Variants in TESK2 observed in about 807,000 individuals in gnomAD.
TESK2 encodes the protein testis associated actin remodelling kinase 2.
In TESK2, 39 loss-of-function variants were observed where a neutral mutation model predicts 57.1. The observed-to-expected ratio is 0.68, with a 90% CI of 0.53 to 0.89. The LOEUF is 0.89. Among genes scored for constraint, TESK2 ranks in the 40% least tolerant of loss-of-function variants. The pLI is 0.00. For synonymous variants in TESK2, 249 were observed against 267.9 expected (o/e 0.93, Z 0.69); for missense variants, 646 against 732.1 (o/e 0.88, Z 1.36).
intron 4 of TESK2, among the ~76,000 whole-genome samples, chr1:45,370,650 G>A (rs1360328664): frequency 3.3e-5 from 5 of 152,142 alleles, no homozygotes; most frequent in East Asian, 3.8e-4. Context: ...GGTTGGGCCA[G>A]GGGGGATGAA....
At chr1:45,483,471 A>AGGTG (rs1653319438) in intron 1 of TESK2, among the ~76,000 whole-genome samples, 2 of 151,474 alleles carry the variant, frequency 1.3e-5, no homozygotes, top group Non-Finnish European at 2.9e-5. Context: ...GGTGGCGCAC[A>AGGTG]CCTGTAAACC....
At chr1:45,478,133 C>G (rs1443355302) in intron 1 of TESK2, among the ~76,000 whole-genome samples, 2 of 152,196 alleles carry the variant, frequency 1.3e-5, no homozygotes, top group African/African-American at 4.8e-5. Flanking sequence ...TCACAATCTA[C>G]TCCAAACATA....
chr1:45,470,832 A>G, intron 1 of TESK2, among the ~76,000 whole-genome samples: 1 of 152,226 alleles, frequency 6.6e-6, no homozygotes, highest in East Asian at 1.9e-4. Flanking sequence ...AGTGCTTTAC[A>G]TTTAATATCC....
chr1:45,484,609 G>A (rs1246288838), intron 1 of TESK2, among the ~76,000 whole-genome samples: 4 of 151,976 alleles, frequency 2.6e-5, no homozygotes, highest in East Asian at 3.9e-4. Context: ...GGTGGTGCAC[G>A]GCTACTCAGC....
chr1:45,422,771 G>GTTGTTGTTGTTGTTGTTGTTGTTGTTT (rs1557567000), intron 2 of TESK2, among the ~76,000 whole-genome samples: 1 of 151,152 alleles, frequency 6.6e-6, no homozygotes, highest in African/African-American at 2.4e-5. Flanking sequence ...TGTTGTTGTT[G>GTTGTTGTTGTTGTTGTTGTTGTTGTTT]TTGTTGTTTT....
At chr1:45,402,725 G>A (rs910540500) in intron 3 of TESK2, among the ~76,000 whole-genome samples, 3 of 151,704 alleles carry the variant, frequency 2.0e-5, no homozygotes, top group Admixed American at 1.3e-4. Flanking sequence ...CAGGTGATCC[G>A]CCCACCTCGG....
chr1:45,440,542 C>A (rs1270783838), intron 2 of TESK2, among the ~76,000 whole-genome samples: 1 of 151,780 alleles, frequency 6.6e-6, no homozygotes, highest in Admixed American at 6.6e-5. Context: ...GGCAAAACCC[C>A]GCCTCTACTA....
chr1:45,401,321 T>C (rs1468499911), intron 3 of TESK2, among the ~76,000 whole-genome samples: 2 of 151,588 alleles, frequency 1.3e-5, no homozygotes, highest in Non-Finnish European at 2.9e-5. Flanking sequence ...TGCTTGAACT[T>C]GGGAGGCGGA....
At chr1:45,456,181 G>A (rs1652080180) in intron 2 of TESK2, among the ~76,000 whole-genome samples, 1 of 151,646 alleles carries the variant, frequency 6.6e-6, no homozygotes, top group Non-Finnish European at 1.5e-5. Flanking sequence ...GGGTGACAGA[G>A]CGAAACCCTG....
chr1:45,476,716 A>G (rs1021010219), intron 1 of TESK2, among the ~76,000 whole-genome samples: 1 of 148,674 alleles, frequency 6.7e-6, no homozygotes, highest in Non-Finnish European at 1.5e-5. Context: ...GCCTGGTGGC[A>G]CACGCCTGTA....
intron 4 of TESK2, among the ~76,000 whole-genome samples, chr1:45,384,389 G>GTCTATCTA (rs71052870): frequency 0.024 from 3,512 of 144,350 alleles, 90 homozygotes; most frequent in African/African-American, 0.063. Context: ...CTATCTATCT[G>GTCTATCTA]TCTATCTATC....
chr1:45,445,325 T>C (rs992437735), intron 2 of TESK2, among the ~76,000 whole-genome samples: 1 of 152,142 alleles, frequency 6.6e-6, no homozygotes, highest in Non-Finnish European at 1.5e-5. Flanking sequence ...CTCATTCTCA[T>C]TGCTTGGCTT....
At chr1:45,469,829 A>G (rs183205251) in intron 1 of TESK2, among the ~76,000 whole-genome samples, 79 of 152,322 alleles carry the variant, frequency 5.2e-4, no homozygotes, top group African/African-American at 1.9e-3. Flanking sequence ...ATTCTAATGC[A>G]CAGTATCTGC....
At position 45,420,960 on chromosome 1, in the gene TESK2, T is replaced by C. The variant is rs185906050; in HGVS notation, c.344+765A>G. On this transcript the variant is annotated intron_variant, in intron 3 of 10. Coordinates refer to ENST00000372086, the MANE Select transcript of TESK2 (RefSeq NM_007170.3). ...ATAATTAAAGCAAGAAAGATTCAGA[T>C]ACGGATTATTAAAAAGTGACAATTA... is the stretch of plus-strand genomic sequence containing the variant. Among the ~76,000 whole-genome samples, 596 of 152,276 alleles carry C rather than the reference T, an allele frequency of 3.9e-3. 6 individuals carry two copies. The highest frequency in any genetic ancestry group is 0.014 in the African/African-American group (572 of 41,566).
At chr1:45,399,702 G>A (rs764805986) in intron 3 of TESK2, among the ~76,000 whole-genome samples, 2 of 151,934 alleles carry the variant, frequency 1.3e-5, no homozygotes, top group African/African-American at 4.8e-5. Flanking sequence ...TGCCTGCCTC[G>A]GCCTCCCAAA....
chr1:45,436,132 A>AT (rs1458054215), intron 2 of TESK2, among the ~76,000 whole-genome samples: 4 of 142,036 alleles, frequency 2.8e-5, no homozygotes, highest in Non-Finnish European at 6.1e-5. Context: ...TCCATACAAA[A>AT]TTTTAGGACT....
intron 1 of TESK2, among the ~76,000 whole-genome samples, chr1:45,480,503 C>A (rs985746824): frequency 2.0e-5 from 3 of 150,368 alleles, no homozygotes; most frequent in African/African-American, 7.3e-5. Context: ...ATTTATCCCA[C>A]AAATATCCTT....
At chr1:45,348,214 A>G (rs1280892999) in intron 5 of TESK2, among the ~76,000 whole-genome samples, 1 of 152,174 alleles carries the variant, frequency 6.6e-6, no homozygotes. Flanking sequence ...GTCCTAGGAT[A>G]CACTTCACAT....
rs562174962 is a variant in TESK2, at chr1:45,414,196, G to A, written c.344+7529C>T. ...GTTGTCTTCAAAATATATAGTGAAA[G>A]TGAAGACATAAAAACATAAATGATA... On this transcript the variant is annotated intron_variant, in intron 3 of 10. Coordinates refer to ENST00000372086, the MANE Select transcript of TESK2 (RefSeq NM_007170.3). Among the ~76,000 whole-genome samples the A allele has an allele frequency of 1.1e-4, 17 of 152,112 alleles. No homozygotes were observed. In the South Asian group the frequency reaches 3.5e-3, roughly 32 times the overall value.
Sources: allele counts gnomAD v4.1 joint callset (sites outside exome capture counted in the v4.1 genomes callset), GRCh38; gene constraint gnomAD v4.1.1; transcripts MANE v1.5; gene names NCBI Gene and HGNC (gene_info 2026-07-23, HGNC 2026-07-21).